DOCK7: variants seen among roughly 807,000 people sequenced by gnomAD.
DOCK7 encodes the protein dedicator of cytokinesis 7, also known as dedicator of cytokinesis protein 7.
In DOCK7, 138 loss-of-function variants were observed where a neutral mutation model predicts 271.0. That is an observed-to-expected ratio of 0.51 (90% CI 0.44 to 0.59). The LOEUF is 0.59. Among genes scored for constraint, DOCK7 ranks in the 20% least tolerant of loss-of-function variants. The pLI, the probability that DOCK7 is intolerant of heterozygous loss-of-function variation, is 0.00. For synonymous variants in DOCK7, 823 were observed against 876.1 expected (o/e 0.94, Z 1.07); for missense variants, 2,066 against 2,592.4 (o/e 0.80, Z 4.41).
intron 14 of DOCK7, chr1:62,597,607 T>A: frequency 2.5e-6 from 4 of 1,612,934 alleles, no homozygotes; most frequent in Non-Finnish European, 3.4e-6. Flanking sequence ...GTTCCTCTAG[T>A]TATTTCCTCC....
At chr1:62,527,816 A>G (rs1200346213) in intron 31 of DOCK7, among the ~76,000 whole-genome samples, 2 of 150,020 alleles carry the variant, frequency 1.3e-5, no homozygotes, top group Non-Finnish European at 3.0e-5. Context: ...AACATGGCAC[A>G]TGTATACATA....
At chr1:62,560,610 C>T (rs1646291632) in intron 19 of DOCK7, among the ~76,000 whole-genome samples, 1 of 152,080 alleles carries the variant, frequency 6.6e-6, no homozygotes, top group Admixed American at 6.6e-5. Flanking sequence ...GCCTTCTATC[C>T]TTATGTATCA....
intron 1 of DOCK7, 97 bp downstream of exon 1, chr1:62,688,129 GC>G: frequency 1.7e-6 from 2 of 1,193,160 alleles, no homozygotes; most frequent in Non-Finnish European, 1.0e-6. Context: ...CCCGGTGCCG[GC>G]CCCGCCACAC....
chr1:62,688,030 G>A (rs1380262941), intron 1 of DOCK7, among the ~76,000 whole-genome samples, 197 bp downstream of exon 1: 2 of 151,440 alleles, frequency 1.3e-5, no homozygotes, highest in African/African-American at 4.9e-5. Context: ...GCGGGCTGAA[G>A]GCCGGGGTTC....
rs760933841 is a variant in DOCK7 at position 62,455,385 on chromosome 1, T to C, written c.*29A>G. 1 of 1,610,812 alleles carries C rather than the reference T, an allele frequency of 6.2e-7. No individual in the cohort carries two copies. Among genetic ancestry groups the C allele is most frequent in the South Asian group, 1.1e-5 (1 of 90,980 alleles). ...ACTCGATGTTGAATACATGGCTCTT[T>C]GCAGATGAATAAAACAAGTGCATTC... On this transcript the variant is annotated 3_prime_UTR_variant, in exon 50 of 50. Coordinates refer to ENST00000635253, the MANE Select transcript of DOCK7 (RefSeq NM_001367561.1).
intron 15 of DOCK7, among the ~76,000 whole-genome samples, chr1:62,585,663 C>G (rs765297103): frequency 6.6e-6 from 1 of 152,114 alleles, no homozygotes; most frequent in Non-Finnish European, 1.5e-5. Context: ...GCTTTCCTTT[C>G]CCTGCTCTCC....
Position 62,513,565 on chromosome 1 carries a change from C to T in DOCK7, c.4161G>A (p.Lys1387=). 1 of 1,614,042 alleles carries T rather than the reference C, an allele frequency of 6.2e-7. No individual in the cohort carries two copies. The highest frequency in any genetic ancestry group is 8.5e-7 in the Non-Finnish European group (1 of 1,179,982). The part of the protein sequence containing the change: ...VFERMNSLTF[K]KSKDMRAKLE... The stretch of plus-strand genomic sequence containing the variant: ...GCTTTGCTCTCATGTCTTTTGATTT[C>T]TTAAAGGTCAAGCTATTCATTCGTT... The change falls in exon 33 of 50, where the codon AAG becomes AAA. Residue 1387 remains lysine (K), a synonymous_variant. Transcript: ENST00000635253.
At chr1:62,571,096 A>G (rs1300571608) in intron 18 of DOCK7, among the ~76,000 whole-genome samples, 1 of 152,236 alleles carries the variant, frequency 6.6e-6, no homozygotes, top group Non-Finnish European at 1.5e-5. Flanking sequence ...TGCAAAAGAA[A>G]CTATCATCAG....
chr1:62,477,610 T>G, intron 44 of DOCK7, 90 bp downstream of exon 44: 2 of 1,369,042 alleles, frequency 1.5e-6, no homozygotes. Flanking sequence ...AGATCTGGCT[T>G]ACTAAATGAT....
intron 15 of DOCK7, 104 bp from the exon 16 acceptor site, chr1:62,583,358 G>A (rs898397559): frequency 2.3e-4 from 223 of 987,966 alleles, no homozygotes; most frequent in Non-Finnish European, 7.1e-5. Flanking sequence ...AGAAAAATGG[G>A]CAAAATCAGC....
intron 1 of DOCK7, among the ~76,000 whole-genome samples, chr1:62,684,841 A>G (rs1661554127): frequency 6.6e-6 from 1 of 152,226 alleles, no homozygotes; most frequent in African/African-American, 2.4e-5. Flanking sequence ...AAGAATAAAG[A>G]GCCTTCAGAA....
Position 62,648,544 on chromosome 1 carries a change from T to C in DOCK7, c.390A>G (p.Lys130=), listed in dbSNP as rs550800563. The stretch of plus-strand genomic sequence containing the variant: ...TAAATCCTGTTCCCAATTTATGATA[T>C]CTATTAAAGAAAAAAAGTTAAATAA... ...YTEDWAIVIR[K]YHKLGTGFNP... The change falls in exon 5 of 50, where the codon AAA becomes AAG. Residue 130 remains lysine, a splice_region_variant and synonymous_variant. Coordinates refer to ENST00000635253, the MANE Select transcript of DOCK7 (RefSeq NM_001367561.1). The C allele has an allele frequency of 2.4e-5, 31 of 1,290,348 alleles. No individual in the cohort carries two copies. In the Admixed American group the frequency reaches 2.8e-4, roughly 12 times the overall value. The allele number at this position is 1,290,348 out of a possible 1,614,324, so 79.9% of individuals were successfully genotyped here.
chr1:62,495,792 G>T (rs1255044083), intron 38 of DOCK7, 111 bp from the exon 39 acceptor site: 1 of 827,936 alleles, frequency 1.2e-6, no homozygotes, highest in Non-Finnish European at 1.8e-6. Flanking sequence ...AAAACAAGTT[G>T]TAGGATACTG....
intron 15 of DOCK7, chr1:62,584,670 T>C: frequency 1.5e-6 from 2 of 1,360,054 alleles, no homozygotes; most frequent in Non-Finnish European, 1.9e-6. Context: ...TGAGCATTAA[T>C]TATTTATCCA....
chr1:62,552,756 T>C lies in DOCK7; in HGVS notation c.2742A>G (p.Glu914=). The change falls in exon 22 of 50, where the codon GAA becomes GAG. Residue 914 remains glutamate, a synonymous_variant. Coordinates refer to ENST00000635253, the MANE Select transcript of DOCK7 (RefSeq NM_001367561.1). ...CCTTACTCCCGATGATTGATCGAAC[T>C]TCATCATCTGGTGACGTGGGAGTCC... is the stretch of plus-strand genomic sequence containing the variant. ...ISGTPTSPDD[E]VRSIIGSKGL... is the part of the protein sequence containing the mutation. 1 of 1,612,528 alleles carries C rather than the reference T, an allele frequency of 6.2e-7. No individual in the cohort carries two copies. The highest frequency in any genetic ancestry group is 8.5e-7 in the Non-Finnish European group (1 of 1,179,224).
intron 23 of DOCK7, among the ~76,000 whole-genome samples, chr1:62,544,686 G>A (rs1329578836): frequency 6.6e-6 from 1 of 152,120 alleles, no homozygotes; most frequent in South Asian, 2.1e-4. Context: ...GCCATCAATT[G>A]CATAAGCAGC....
At chr1:62,473,263 C>A (rs1352653589) in intron 48 of DOCK7, among the ~76,000 whole-genome samples, 2 of 152,064 alleles carry the variant, frequency 1.3e-5, no homozygotes, top group Admixed American at 1.3e-4. Flanking sequence ...TGGAAAAGCA[C>A]AATTAATGAT....
At chr1:62,515,256 T>C (rs1644628123) in intron 31 of DOCK7, among the ~76,000 whole-genome samples, 1 of 152,168 alleles carries the variant, frequency 6.6e-6, no homozygotes, top group Non-Finnish European at 1.5e-5. Flanking sequence ...CCACTTTGTT[T>C]ACTGCCTCTC....
rs367576590 is a variant in DOCK7 at position 62,476,126 on chromosome 1, C to T, written c.5665G>A (p.Val1889Met). 2 of 1,613,164 alleles carry T rather than the reference C, an allele frequency of 1.2e-6. No homozygotes were observed. Among genetic ancestry groups the T allele is most frequent in the African/African-American group, 1.3e-5 (1 of 74,886 alleles). The stretch of plus-strand genomic sequence containing the variant: ...TTAGAGTCTTTGATTACTTCAACCA[C>T]ATCCTCTCCAAATCTTTCTCCGTAA... The part of the protein sequence containing the change: ...GFYGERFGED[V>M]VEVIKDSNPV... The change falls in exon 45 of 50, where the codon GTG becomes ATG. Residue 1889 changes from valine to methionine, a missense_variant. Physicochemically the swap from Val to Met is conservative, Grantham distance 21. This residue lies in a region of DOCK7 where 652 missense variants were observed against 922.1 expected (regional missense o/e 0.71). Transcript: ENST00000635253.
Sources: allele counts gnomAD v4.1 joint callset (sites outside exome capture counted in the v4.1 genomes callset), GRCh38; gene constraint gnomAD v4.1.1; regional missense constraint gnomAD v4.1.1; transcripts MANE v1.5; gene names NCBI Gene and HGNC (gene_info 2026-07-23, HGNC 2026-07-21).